The following MAF variants were observed in gnomAD, a reference collection of about 807,000 sequenced individuals.
MAF encodes MAF bZIP transcription factor.
A neutral mutation model predicts 22.0 loss-of-function variants in MAF; 10 were observed. That is an observed-to-expected ratio of 0.45 (90% CI 0.28 to 0.77). The LOEUF (loss-of-function observed/expected upper bound fraction) is 0.77. Ranked by LOEUF, MAF falls within the 30% of genes least tolerant of loss-of-function variation. MAF has a pLI of 0.12. For missense variants in MAF, 544 were observed against 548.4 expected, an observed-to-expected ratio of 0.99 and a Z score of 0.08; for synonymous variants, 337 against 255.8, an observed-to-expected ratio of 1.32 and a Z score of -3.03.
chr16:79,581,881 A>T (rs570777404), downstream of MAF, among the ~76,000 whole-genome samples: 5 of 152,308 alleles, frequency 3.3e-5, no homozygotes, highest in Non-Finnish European at 5.9e-5. Flanking sequence ...GTCTCTATTG[A>T]CAATACCTGT....
chr16:79,211,504 G>C, the MAF span: 1 of 1,466,764 alleles, frequency 6.8e-7, no homozygotes, highest in Non-Finnish European at 9.4e-7. Context: ...AGCTGAAACT[G>C]AACCAGGTGG....
chr16:79,385,923 C>G, the MAF span, among the ~76,000 whole-genome samples: 6 of 152,044 alleles, frequency 3.9e-5, no homozygotes, highest in African/African-American at 1.4e-4. Flanking sequence ...AACAAAAAAA[C>G]AAAATAAAAC....
At chr16:79,420,681 G>C in the MAF span, among the ~76,000 whole-genome samples, 2 of 152,202 alleles carry the variant, frequency 1.3e-5, no homozygotes, top group Admixed American at 1.3e-4. Context: ...CTCTTTCCAA[G>C]GTTTCAGTCA....
At chr16:79,230,812 T>C in the MAF span, among the ~76,000 whole-genome samples, 4 of 152,110 alleles carry the variant, frequency 2.6e-5, no homozygotes, top group South Asian at 8.3e-4. Context: ...GACTTGCCCC[T>C]GAGATCCTTA....
chr16:79,594,534 A>C lies in MAF; in HGVS notation c.1138T>G (p.Leu380Val). Residue 380 changes from leucine to valine, a missense_variant, in exon 2 of 2, where the codon TTG (leucine) becomes GTG (valine). Coordinates refer to ENST00000326043, the MANE Select transcript of MAF (RefSeq NM_005360.5). ...EFFITEPTRK[L>V]EPSVGYATFW... ...GTGGCGTATCCCACTGATGGCTCCA[A>C]CTTGCGAGTGGGCTCAGTTCTGTAA... The C allele has an allele frequency of 8.3e-6, 13 of 1,564,044 alleles. No individual in the cohort carries two copies. Among genetic ancestry groups the C allele is most frequent in the Non-Finnish European group, 1.1e-5 (13 of 1,151,686 alleles).
the MAF span, among the ~76,000 whole-genome samples, chr16:79,253,740 G>C: frequency 1.6e-4 from 25 of 152,272 alleles, no homozygotes; most frequent in Middle Eastern, 3.4e-3. Context: ...GACATTTCGA[G>C]CCTGATCGTC....
Position 79,599,137 on chromosome 16 carries a change from G to C in MAF, c.766C>G (p.His256Asp). The change falls in exon 1 of 2, where the codon CAC becomes GAC. Residue 256 changes from histidine (H) to aspartate (D), a missense_variant. Physicochemically the swap from His to Asp is moderately conservative, Grantham distance 81. Transcript: ENST00000326043. ...TCGTCGGAGAAGCGGTCGTCGAAGT[G>C]CAGGCCGCCGGCGGCGTGGTGCGGG... ...LHPHHAAGGLHFDDRFSDEQL... is the reference protein window; with the variant it reads ...LHPHHAAGGLDFDDRFSDEQL... The C allele has an allele frequency of 3.8e-6, 6 of 1,574,816 alleles. No homozygotes were observed. The highest frequency in any genetic ancestry group is 4.3e-6 in the Non-Finnish European group (5 of 1,167,148).
the MAF span, among the ~76,000 whole-genome samples, chr16:79,281,134 G>C: frequency 7.3e-3 from 1,116 of 152,082 alleles, 16 homozygotes; most frequent in African/African-American, 0.025. Context: ...GGCTACCAGA[G>C]GGAAGAAGTA....
the MAF span, among the ~76,000 whole-genome samples, chr16:79,473,313 G>A: frequency 1.6e-4 from 24 of 152,124 alleles, no homozygotes; most frequent in Non-Finnish European, 3.2e-4. Flanking sequence ...ATCCACGGTG[G>A]CAACCCAGGC....
chr16:79,524,184 A>T, the MAF span, among the ~76,000 whole-genome samples: 1 of 152,300 alleles, frequency 6.6e-6, no homozygotes, highest in Non-Finnish European at 1.5e-5. Context: ...TGTTCGGGTC[A>T]GTTTCAACGG....
At chr16:79,582,853 C>T (rs1912606616), downstream of MAF, among the ~76,000 whole-genome samples, 1 of 152,278 alleles carries the variant, frequency 6.6e-6, no homozygotes, top group African/African-American at 2.4e-5. Flanking sequence ...GGGGGATTTA[C>T]TCTTAAAACC....
the MAF span, among the ~76,000 whole-genome samples, chr16:79,265,618 ATAAC>A: frequency 3.0e-4 from 45 of 152,248 alleles, no homozygotes; most frequent in Admixed American, 4.6e-4. Flanking sequence ...ATTAACAGTA[ATAAC>A]TAATAATAAC....
intron 1 of MAF, chr16:79,597,107 T>C (rs1470089181): frequency 9.4e-7 from 1 of 1,059,164 alleles, no homozygotes; most frequent in Non-Finnish European, 1.1e-6. Flanking sequence ...AAGCACATGC[T>C]GTATAAGCTA....
chr16:79,409,174 T>A, the MAF span, among the ~76,000 whole-genome samples: 1 of 152,140 alleles, frequency 6.6e-6, no homozygotes, highest in African/African-American at 2.4e-5. Flanking sequence ...TTTAGGCGCC[T>A]TATAAATTGG....
chr16:79,521,883 T>C, the MAF span, among the ~76,000 whole-genome samples: 2 of 152,222 alleles, frequency 1.3e-5, no homozygotes, highest in African/African-American at 2.4e-5. Context: ...ATTAGAATCA[T>C]CATCTTAATT....
chr16:79,324,156 A>T, the MAF span, among the ~76,000 whole-genome samples: 3 of 152,216 alleles, frequency 2.0e-5, no homozygotes, highest in Admixed American at 6.5e-5. Flanking sequence ...GTGTGCCTCA[A>T]TGTTCCCATC....
the MAF span, among the ~76,000 whole-genome samples, chr16:79,421,038 G>GA: frequency 8.7e-3 from 1,089 of 125,726 alleles, 11 homozygotes; most frequent in Non-Finnish European, 7.8e-3. Context: ...GTCTCAAAAA[G>GA]AAAAAAAAAA....
At chr16:79,461,459 C>A in the MAF span, among the ~76,000 whole-genome samples, 1 of 152,160 alleles carries the variant, frequency 6.6e-6, no homozygotes, top group Non-Finnish European at 1.5e-5. Context: ...TCAGCTCAGC[C>A]AGCAGATGGG....
chr16:79,499,532 G>A, the MAF span, among the ~76,000 whole-genome samples: 1 of 152,146 alleles, frequency 6.6e-6, no homozygotes. Context: ...GTATTAAGAG[G>A]TGGAGATTTG....
Sources: gnomAD v4.1 joint callset for allele counts (sites outside exome capture counted in the v4.1 genomes callset) on GRCh38, gnomAD v4.1.1 for gene constraint, MANE v1.5 for transcripts, NCBI Gene and HGNC (gene_info 2026-07-23, HGNC 2026-07-21) for gene names.